The following DESI2 variants were observed in gnomAD, a reference collection of about 807,000 sequenced individuals.
DESI2 encodes desumoylating isopeptidase 2, also known as deubiquitinase DESI2.
DESI2 carries 10 observed loss-of-function variants against 24.1 expected under a neutral mutation model. The observed-to-expected ratio is 0.41, with a 90% confidence interval of 0.26 to 0.70. The LOEUF is 0.70. Among genes scored for constraint, DESI2 ranks in the 30% least tolerant of loss-of-function variants. The pLI is 0.29. For synonymous variants in DESI2, 71 were observed against 87.7 expected (o/e 0.81, Z 1.06); for missense variants, 122 against 234.9 (o/e 0.52, Z 3.14).
chr1:244,684,570 C>T (rs961774169), intron 1 of DESI2, among the ~76,000 whole-genome samples: 6 of 151,986 alleles, frequency 3.9e-5, no homozygotes, highest in Non-Finnish European at 7.4e-5. Context: ...AAATATCTAT[C>T]GAGTTACCTC....
At chr1:244,694,144 C>T (rs1236147574) in intron 4 of DESI2, among the ~76,000 whole-genome samples, 1 of 152,132 alleles carries the variant, frequency 6.6e-6, no homozygotes, top group Non-Finnish European at 1.5e-5. Context: ...CTTAAAAATT[C>T]TAAGAATTAT....
intron 1 of DESI2, among the ~76,000 whole-genome samples, chr1:244,677,282 G>C (rs1194947498): frequency 6.6e-6 from 1 of 151,968 alleles, no homozygotes; most frequent in Non-Finnish European, 1.5e-5. Context: ...AGTCAGTTTT[G>C]GTAGCTTGTG....
chr1:244,661,733 A>G (rs947791619), intron 1 of DESI2, among the ~76,000 whole-genome samples: 35 of 152,342 alleles, frequency 2.3e-4, no homozygotes, highest in Non-Finnish European at 4.7e-4. Context: ...TACAAAGGAC[A>G]TGAACTCATC....
intron 1 of DESI2, among the ~76,000 whole-genome samples, chr1:244,670,852 C>T (rs2148791378): frequency 6.6e-6 from 1 of 152,318 alleles, no homozygotes; most frequent in East Asian, 1.9e-4. Flanking sequence ...TCACTACAGT[C>T]CAAATGCTTC....
rs748665425 is a variant in DESI2, at chr1:244,705,721, G to A, written c.517G>A (p.Ala173Thr). Reference protein sequence around the residue: ...LQDELEEAEDAAASASVASTA... With the variant: ...LQDELEEAEDTAASASVASTA... ...GGATGAACTGGAGGAAGCAGAGGATGCTGCCGCATCCGCTTCCGTGGCAAG... is the reference window on the plus strand; with the variant it reads ...GGATGAACTGGAGGAAGCAGAGGATACTGCCGCATCCGCTTCCGTGGCAAG... Residue 173 changes from alanine (A) to threonine (T), a missense_variant, in exon 5 of 5, where the codon GCT becomes ACT. By Grantham distance (58) the Ala-to-Thr change is moderately conservative. Around this residue, in one of 6 missense-constraint regions of DESI2, gnomAD observed 56 missense variants for 67.9 expected, o/e 0.82. Coordinates refer to ENST00000302550, the MANE Select transcript of DESI2 (RefSeq NM_016076.5). 1.9e-6 allele frequency: 3 copies of A among 1,613,968 alleles called. No individual in the cohort carries two copies. Among genetic ancestry groups the A allele is most frequent in the South Asian group, 1.1e-5 (1 of 91,086 alleles).
chr1:244,689,454 CTTTGT>C lies in DESI2; in HGVS notation c.209+116_209+120del, dbSNP rs893360709. 10 of 587,524 alleles carry C rather than the reference CTTTGT, an allele frequency of 1.7e-5. No homozygotes were observed. Among genetic ancestry groups the C allele is most frequent in the African/African-American group, 3.8e-5 (2 of 51,960 alleles). The allele number at this position is 587,524 out of a possible 1,614,324, so 36.4% of individuals were successfully genotyped here. On this transcript the variant is annotated intron_variant, in intron 3 of 4. Coordinates refer to ENST00000302550, the MANE Select transcript of DESI2 (RefSeq NM_016076.5). This position sits in a 1 kb window ranked among gnomAD's most constrained non-coding sequence, Gnocchi z 4.0. ...CAAACCCAAGAAGTTAAAAATGTCT[CTTTGT>C]TTTAATTGCTGACATTTTATATAAC... is the stretch of plus-strand genomic sequence containing the variant.
At chr1:244,663,985 G>T (rs531941676) in intron 1 of DESI2, among the ~76,000 whole-genome samples, 62 of 135,308 alleles carry the variant, frequency 4.6e-4, no homozygotes, top group African/African-American at 5.7e-4. Flanking sequence ...GCCACTGCAC[G>T]CCAGCCTGGG....
chr1:244,687,845 G>A (rs1676876812), intron 2 of DESI2, among the ~76,000 whole-genome samples: 1 of 152,154 alleles, frequency 6.6e-6, no homozygotes, highest in Non-Finnish European at 1.5e-5. Context: ...TTTGGCTTTT[G>A]CCAAATTTGC....
At chr1:244,682,870 AC>A (rs1403356270) in intron 1 of DESI2, among the ~76,000 whole-genome samples, 1 of 147,196 alleles carries the variant, frequency 6.8e-6, no homozygotes, top group Non-Finnish European at 1.5e-5. Context: ...AAAAAAAAAA[AC>A]TCAGTGATAT....
Position 244,653,423 on chromosome 1 carries a change from A to ACCCC in DESI2, c.42+69_42+72dup. The stretch of plus-strand genomic sequence containing the variant: ...GCTTCCTCTCGCCCGTGGGGCTCGG[A>ACCCC]CCCCGGCCCCAGGCGCTTCCTGCCT... On this transcript the variant is annotated intron_variant, in intron 1 of 4. Transcript: ENST00000302550. The ACCCC allele has an allele frequency of 2.7e-6, 4 of 1,473,486 alleles. No individual in the cohort carries two copies. The Middle Eastern group carries it at 5.5e-4, about 203-fold the overall frequency. The allele number at this position is 1,473,486 out of a possible 1,614,324, so 91.3% of individuals were successfully genotyped here.
chr1:244,675,830 G>T (rs550045893), intron 1 of DESI2, among the ~76,000 whole-genome samples: 1 of 152,160 alleles, frequency 6.6e-6, no homozygotes, highest in South Asian at 2.1e-4. Flanking sequence ...GACAAGAATG[G>T]CAGTGAATCT....
chr1:244,705,389 T>G (rs1024003482), intron 4 of DESI2, among the ~76,000 whole-genome samples, 167 bp from the exon 5 acceptor site: 1 of 152,134 alleles, frequency 6.6e-6, no homozygotes, highest in Admixed American at 6.5e-5. Flanking sequence ...GCCCAGGTCC[T>G]GAGTAAAGAG....
intron 1 of DESI2, among the ~76,000 whole-genome samples, chr1:244,675,145 G>A (rs1211512082): frequency 6.6e-6 from 1 of 151,798 alleles, no homozygotes; most frequent in Non-Finnish European, 1.5e-5. Context: ...TTTTTAGTAG[G>A]GTTATGTGTC....
rs527531918 is a variant in DESI2, at chr1:244,701,871, T to C, written c.352-3685T>C. ...TACCATAATTTATTCAACCTGTTAATGGCACTTGGTTAATTTTAGTCTTTT... is the reference window on the plus strand; with the variant it reads ...TACCATAATTTATTCAACCTGTTAACGGCACTTGGTTAATTTTAGTCTTTT... On this transcript the variant is annotated intron_variant, in intron 4 of 4. Transcript: ENST00000302550. Among the ~76,000 whole-genome samples, 128 of 152,352 alleles carry C rather than the reference T, an allele frequency of 8.4e-4. 2 individuals are homozygous for C. The Middle Eastern group carries it at 0.017, about 20-fold the overall frequency.
chr1:244,656,002 CT>C (rs1675635357), intron 1 of DESI2, among the ~76,000 whole-genome samples: 1 of 152,192 alleles, frequency 6.6e-6, no homozygotes, highest in African/African-American at 2.4e-5. Context: ...GTCTGTTATA[CT>C]AATTTTTCTC....
chr1:244,691,191 C>T (rs1428261415), intron 3 of DESI2, among the ~76,000 whole-genome samples: 1 of 152,190 alleles, frequency 6.6e-6, no homozygotes, highest in Admixed American at 6.5e-5. Flanking sequence ...TGCGTTCAAG[C>T]GATTCTTCCG....
chr1:244,668,573 G>T (rs1676131166), intron 1 of DESI2, among the ~76,000 whole-genome samples: 1 of 152,120 alleles, frequency 6.6e-6, no homozygotes, highest in African/African-American at 2.4e-5. Context: ...TACTTATCCA[G>T]ATTATTTAAT....
At chr1:244,700,057 C>CT (rs1558669031) in intron 4 of DESI2, among the ~76,000 whole-genome samples, 4 of 152,286 alleles carry the variant, frequency 2.6e-5, no homozygotes, top group African/African-American at 9.6e-5. Flanking sequence ...AACAAAAACT[C>CT]AAACTAAGTT....
At chr1:244,667,183 A>G (rs1269841460) in intron 1 of DESI2, among the ~76,000 whole-genome samples, 1 of 152,216 alleles carries the variant, frequency 6.6e-6, no homozygotes, top group African/African-American at 2.4e-5. Flanking sequence ...TCATTTCAGC[A>G]TTAACCCAAA....
Sources: gnomAD v4.1 joint callset for allele counts (sites outside exome capture counted in the v4.1 genomes callset) on GRCh38, gnomAD v4.1.1 for gene constraint, gnomAD v4.1.1 regional missense constraint, Gnocchi (gnomAD v3.1) non-coding constraint, MANE v1.5 for transcripts, NCBI Gene and HGNC (gene_info 2026-07-23, HGNC 2026-07-21) for gene names.